TENM3: variants seen among roughly 807,000 people sequenced by gnomAD.
The protein encoded by TENM3 is teneurin-3.
A neutral mutation model predicts 255.1 loss-of-function variants in TENM3; 63 were observed. The ratio of observed to expected loss-of-function variants is 0.25; its 90% CI spans 0.20 to 0.30. The LOEUF (loss-of-function observed/expected upper bound fraction) is 0.30, where lower values mean the gene tolerates loss of function less well. Ranked by LOEUF, TENM3 falls within the 10% of genes least tolerant of loss-of-function variation. TENM3 has a pLI of 1.00. For synonymous variants in TENM3, 1,306 were observed against 1,322.3 expected (o/e 0.99, Z 0.27); for missense variants, 2,929 against 3,461.1 (o/e 0.85, Z 3.86).
chr4:182,624,553 C>T (rs956158380), intron 4 of TENM3, among the ~76,000 whole-genome samples: 5 of 152,184 alleles, frequency 3.3e-5, no homozygotes, highest in African/African-American at 1.2e-4. Context: ...CCCTGTTGCT[C>T]CTCTGCTGTT....
the TENM3 span, among the ~76,000 whole-genome samples, chr4:181,969,763 T>C: frequency 2.0e-5 from 3 of 152,232 alleles, no homozygotes; most frequent in Admixed American, 2.0e-4. Flanking sequence ...ATTTCAGTAA[T>C]TACATTAAAG....
the TENM3 span, among the ~76,000 whole-genome samples, chr4:181,787,507 T>C: frequency 6.6e-6 from 1 of 151,968 alleles, no homozygotes; most frequent in Non-Finnish European, 1.5e-5. Context: ...CCAGCTAATT[T>C]TTTCATATTT....
chr4:181,518,858 C>T, the TENM3 span, among the ~76,000 whole-genome samples: 2 of 152,160 alleles, frequency 1.3e-5, no homozygotes, highest in Non-Finnish European at 2.9e-5. Flanking sequence ...CTGGGAGAAT[C>T]GTACTGTCCC....
At chr4:182,355,440 C>A (rs966003003) in intron 3 of TENM3, among the ~76,000 whole-genome samples, 1 of 152,116 alleles carries the variant, frequency 6.6e-6, no homozygotes, top group Non-Finnish European at 1.5e-5. Flanking sequence ...ACCCTGAAAG[C>A]AGTGTGGAAT....
At chr4:182,648,267 T>C (rs1246694617) in intron 5 of TENM3, among the ~76,000 whole-genome samples, 1 of 148,524 alleles carries the variant, frequency 6.7e-6, no homozygotes, top group African/African-American at 2.5e-5. Context: ...TGCTGGGTGT[T>C]AGATGGATTA....
chr4:181,639,428 T>C, the TENM3 span, among the ~76,000 whole-genome samples: 2 of 152,150 alleles, frequency 1.3e-5, no homozygotes, highest in Admixed American at 6.5e-5. Flanking sequence ...CATCATCCCA[T>C]GACAGGGTCC....
rs78476350 is a variant in TENM3, at chr4:182,789,839, C to T, written c.5601+450C>T. 0.02 allele frequency among the ~76,000 whole-genome samples: 3,074 copies of T among 152,260 alleles called. 96 individuals carry two copies. Among genetic ancestry groups the T allele is most frequent in the African/African-American group, 0.07 (2,911 of 41,548 alleles). ...ATAAAAAGCATGTAGATCCTAGTTA[C>T]GCATTATTAACCAAAAGAGGCGATT... is the stretch of plus-strand genomic sequence containing the variant. On this transcript the variant is annotated intron_variant, in intron 25 of 27. Transcript: ENST00000511685. This position sits in a 1 kb window ranked among gnomAD's most constrained non-coding sequence, Gnocchi z 4.4.
chr4:181,598,267 AT>A, the TENM3 span, among the ~76,000 whole-genome samples: 101 of 152,304 alleles, frequency 6.6e-4, 3 homozygotes, highest in South Asian at 0.021. Context: ...ATCCCATAGT[AT>A]TTCTCTAAGC....
intron 3 of TENM3, among the ~76,000 whole-genome samples, chr4:182,467,156 T>C (rs1732676593): frequency 6.6e-6 from 1 of 152,212 alleles, no homozygotes; most frequent in South Asian, 2.1e-4. Context: ...GCACTCAAAA[T>C]GTAGTTATAA....
chr4:181,651,366 A>G, the TENM3 span, among the ~76,000 whole-genome samples: 1 of 152,172 alleles, frequency 6.6e-6, no homozygotes, highest in Non-Finnish European at 1.5e-5. Context: ...TTGAGAGGCC[A>G]AGGCAGATGG....
the TENM3 span, among the ~76,000 whole-genome samples, chr4:181,800,367 C>G: frequency 6.6e-6 from 1 of 152,200 alleles, no homozygotes; most frequent in Non-Finnish European, 1.5e-5. Context: ...AAAGGTGGCT[C>G]ACACCTGTAA....
At position 182,413,445 on chromosome 4, in the gene TENM3, T is replaced by C. The variant is rs553038419; in HGVS notation, c.511+66516T>C. Among the ~76,000 whole-genome samples, 6 of 152,186 alleles carry C rather than the reference T, an allele frequency of 3.9e-5. No homozygotes were observed. The South Asian group carries it at 1.2e-3, about 32-fold the overall frequency. On this transcript the variant is annotated intron_variant, in intron 3 of 27. Coordinates refer to ENST00000511685, the MANE Select transcript of TENM3 (RefSeq NM_001080477.4). ...CAGCCTGGCCAACATGGCGAAACCC[T>C]GTCTCTACTAAAAATACAAAAATTA...
the TENM3 span, among the ~76,000 whole-genome samples, chr4:181,832,623 C>G: frequency 1.3e-5 from 2 of 152,342 alleles, no homozygotes; most frequent in African/African-American, 2.4e-5. Flanking sequence ...CGCTAAGAGA[C>G]TTGCTTCAGC....
chr4:181,557,669 G>A, the TENM3 span, among the ~76,000 whole-genome samples: 6 of 147,786 alleles, frequency 4.1e-5, no homozygotes, highest in South Asian at 2.2e-4. Flanking sequence ...TGGGACTACC[G>A]GTGCCTGCCA....
intron 3 of TENM3, chr4:182,448,927 G>GGGT: frequency 5.7e-6 from 2 of 352,634 alleles, no homozygotes; most frequent in Admixed American, 6.4e-5. Context: ...CTCGGCGGCC[G>GGGT]GGTGTAAACA....
chr4:182,415,525 C>A (rs1205639924), intron 3 of TENM3, among the ~76,000 whole-genome samples: 1 of 152,042 alleles, frequency 6.6e-6, no homozygotes, highest in Non-Finnish European at 1.5e-5. Context: ...CTTACATATT[C>A]ATTTATTCCT....
chr4:181,464,222 C>T, the TENM3 span, among the ~76,000 whole-genome samples: 151,199 of 152,342 alleles, frequency 0.99, 75,039 homozygotes, highest in East Asian at 1. Context: ...TTTGAAAATA[C>T]GCCAAACTCT....
chr4:182,297,548 C>T (rs17073015), intron 1 of TENM3, among the ~76,000 whole-genome samples: 2,459 of 152,242 alleles, frequency 0.016, 55 homozygotes, highest in African/African-American at 0.055. Flanking sequence ...AGACTAAAAG[C>T]GTCCCCTGAT....
At chr4:181,805,173 A>T in the TENM3 span, among the ~76,000 whole-genome samples, 1 of 152,170 alleles carries the variant, frequency 6.6e-6, no homozygotes, top group Admixed American at 6.6e-5. Flanking sequence ...AAAAGCTTCA[A>T]CAACCTACCT....
Sources: allele counts gnomAD v4.1 joint callset (sites outside exome capture counted in the v4.1 genomes callset), GRCh38; gene constraint gnomAD v4.1.1; non-coding constraint Gnocchi (gnomAD v3.1); transcripts MANE v1.5; gene names NCBI Gene and HGNC (gene_info 2026-07-23, HGNC 2026-07-21).